Variants in DCUN1D4 observed in about 807,000 individuals in gnomAD.
The protein encoded by DCUN1D4 is DCN1-like protein 4.
In DCUN1D4, 22 loss-of-function variants were observed where a neutral mutation model predicts 47.9. The observed-to-expected ratio is 0.46, with a 90% confidence interval of 0.33 to 0.66. The LOEUF (loss-of-function observed/expected upper bound fraction) is 0.66, where lower values mean the gene tolerates loss of function less well. Ranked by LOEUF, DCUN1D4 falls within the 30% of genes least tolerant of loss-of-function variation. The probability of loss-of-function intolerance (pLI) is 0.02; values close to 1 mark genes in which losing one functional copy is unlikely to be tolerated. For synonymous variants in DCUN1D4, 121 were observed against 112.2 expected (o/e 1.08, Z -0.50); for missense variants, 301 against 340.8 (o/e 0.88, Z 0.92).
At chr4:51,875,609 A>G (rs1177095863) in intron 4 of DCUN1D4, among the ~76,000 whole-genome samples, 2 of 152,212 alleles carry the variant, frequency 1.3e-5, no homozygotes, top group Non-Finnish European at 2.9e-5. Flanking sequence ...AACCAGTTAT[A>G]GAACATTTCT....
In DCUN1D4 at chr4:51,843,177, C is replaced by A; in HGVS notation, c.-66C>A. 2.6e-6 allele frequency: 4 copies of A among 1,532,668 alleles called. No individual in the cohort carries two copies. Among genetic ancestry groups the A allele is most frequent in the Non-Finnish European group, 3.5e-6 (4 of 1,140,422 alleles). 94.9% of individuals were successfully genotyped at this position (1,532,668 alleles called of 1,614,324 possible). A position where few individuals can be genotyped will look rare whatever the true frequency, so the allele number is the denominator to read the frequency against. On this transcript the variant is annotated 5_prime_UTR_variant, in exon 1 of 11. It adds an upstream start codon to the 5' untranslated region. Transcript: ENST00000334635. ...CAGCTTCGAGCCGAGGTGCAGTGAG[C>A]TGGTGGGGGGACCGCGAGGCGAGCG...
At chr4:51,872,568 T>G (rs146097504) in intron 3 of DCUN1D4, among the ~76,000 whole-genome samples, 42 of 152,332 alleles carry the variant, frequency 2.8e-4, no homozygotes, top group African/African-American at 1.0e-3. Context: ...CTCCTTTGGC[T>G]TCCAGGACAT....
chr4:51,879,706 T>A (rs781601046), intron 5 of DCUN1D4, among the ~76,000 whole-genome samples: 1 of 152,236 alleles, frequency 6.6e-6, no homozygotes, highest in African/African-American at 2.4e-5. Flanking sequence ...ATTATGAAGA[T>A]CTCTTGCTTT....
chr4:51,916,153 CT>C lies in DCUN1D4; in HGVS notation c.*2570del, dbSNP rs200956410. 3.3e-3 allele frequency: 502 copies of C among 152,214 alleles called. 5 individuals are homozygous for C. Among genetic ancestry groups the C allele is most frequent in the African/African-American group, 0.012 (484 of 41,560 alleles). 9.4% of individuals were successfully genotyped at this position (152,214 alleles called of 1,614,324 possible). A position where few individuals can be genotyped will look rare whatever the true frequency, so the allele number is the denominator to read the frequency against. ...TTAGTACCTAAGTCTACAACCCTTT[CT>C]CTTTTTCTATTGTGTTTCGAACTCC... On this transcript the variant is annotated 3_prime_UTR_variant, in exon 11 of 11. Transcript: ENST00000334635.
chr4:51,866,573 T>C (rs1725961469), intron 3 of DCUN1D4, among the ~76,000 whole-genome samples: 1 of 152,208 alleles, frequency 6.6e-6, no homozygotes, highest in East Asian at 1.9e-4. Flanking sequence ...TCCTTCAGCC[T>C]CCTGTTGATT....
Position 51,857,215 on chromosome 4 carries a change from A to G in DCUN1D4, c.26-6222A>G, listed in dbSNP as rs902381439. On this transcript the variant is annotated intron_variant, in intron 1 of 10. Coordinates refer to ENST00000334635, the MANE Select transcript of DCUN1D4 (RefSeq NM_001040402.3). ...TCTTCCTTTTTTATTTTTTTTGACC[A>G]AATGAGAAGAGTTGAATTTGTGTAA... is the stretch of plus-strand genomic sequence containing the variant. Among the ~76,000 whole-genome samples the G allele has an allele frequency of 1.5e-4, 23 of 152,258 alleles. 1 individual carries two copies. Among genetic ancestry groups the G allele is most frequent in the East Asian group, 9.7e-4 (5 of 5,164 alleles).
At chr4:51,884,193 G>A (rs1039635509) in intron 5 of DCUN1D4, 6 of 152,034 alleles carry the variant, frequency 3.9e-5, no homozygotes, top group Non-Finnish European at 8.8e-5. Flanking sequence ...TATGAGGAAG[G>A]GCCTGAGTTT....
chr4:51,877,686 A>G, intron 4 of DCUN1D4, 77 bp from the exon 5 acceptor site: 1 of 887,274 alleles, frequency 1.1e-6, no homozygotes, highest in East Asian at 2.5e-5. Context: ...TGGTTTGGGT[A>G]AAAGAATATA....
chr4:51,888,318 A>G (rs1729845586), intron 6 of DCUN1D4, among the ~76,000 whole-genome samples: 1 of 152,178 alleles, frequency 6.6e-6, no homozygotes, highest in Non-Finnish European at 1.5e-5. Flanking sequence ...AGGATGGGAG[A>G]GCACTGACGT....
Position 51,870,717 on chromosome 4 carries a change from G to A in DCUN1D4, c.137-3554G>A, listed in dbSNP as rs561468314. On this transcript the variant is annotated intron_variant, in intron 3 of 10. Transcript: ENST00000334635. Reference sequence around the variant, plus strand: ...TTGCACGTGCACTTGAGAAATCCTAGTTGTTGCTCTTGCTTAGTTGGGATC... The same window carrying A: ...TTGCACGTGCACTTGAGAAATCCTAATTGTTGCTCTTGCTTAGTTGGGATC... 2.0e-5 allele frequency among the ~76,000 whole-genome samples: 3 copies of A among 152,346 alleles called. No homozygotes were observed. In the South Asian group the frequency reaches 6.2e-4, roughly 32 times the overall value.
At chr4:51,902,120 A>G (rs1328212354) in intron 8 of DCUN1D4, among the ~76,000 whole-genome samples, 5 of 152,066 alleles carry the variant, frequency 3.3e-5, no homozygotes, top group Admixed American at 1.3e-4. Flanking sequence ...TCTATTATTG[A>G]TAGTTTAATT....
chr4:51,891,939 G>T (rs1261354711), intron 7 of DCUN1D4, 88 bp downstream of exon 7: 1 of 1,007,014 alleles, frequency 9.9e-7, no homozygotes, highest in African/African-American at 1.6e-5. Flanking sequence ...GTGATTGAGT[G>T]AGTGGAAGGA....
chr4:51,845,670 A>G (rs928348431), intron 1 of DCUN1D4, among the ~76,000 whole-genome samples: 2 of 152,212 alleles, frequency 1.3e-5, no homozygotes, highest in Non-Finnish European at 2.9e-5. Context: ...TGTATGTAAT[A>G]TATAAGGTAT....
At position 51,915,696 on chromosome 4, in the gene DCUN1D4, A is replaced by G. The variant is rs946047008; in HGVS notation, c.*2112A>G. The G allele has an allele frequency of 6.6e-6, 1 of 152,604 alleles. No homozygotes were observed. The highest frequency in any genetic ancestry group is 1.5e-5 in the Non-Finnish European group (1 of 68,006). The allele number at this position is 152,604 out of a possible 1,614,324, so 9.5% of individuals were successfully genotyped here. A position where few individuals can be genotyped will look rare whatever the true frequency, so the allele number is the denominator to read the frequency against. Reference sequence around the variant, plus strand: ...GTTATTTTAAACACTATGTTAGAATATAGAGATTTTTAAAAAATGCTGATA... The same window carrying G: ...GTTATTTTAAACACTATGTTAGAATGTAGAGATTTTTAAAAAATGCTGATA... On this transcript the variant is annotated 3_prime_UTR_variant, in exon 11 of 11. Transcript: ENST00000334635.
At chr4:51,880,944 C>T (rs771142433) in intron 5 of DCUN1D4, among the ~76,000 whole-genome samples, 21 of 151,976 alleles carry the variant, frequency 1.4e-4, no homozygotes, top group Non-Finnish European at 2.8e-4. Flanking sequence ...CTGGCTAACA[C>T]GGTGAAATCC....
chr4:51,844,762 G>A, intron 1 of DCUN1D4: 1 of 909,622 alleles, frequency 1.1e-6, no homozygotes, highest in Non-Finnish European at 1.3e-6. Flanking sequence ...GGGGAAAGGC[G>A]GTCCCGCCGA....
At chr4:51,862,541 G>C (rs979166477) in intron 1 of DCUN1D4, among the ~76,000 whole-genome samples, 4 of 152,204 alleles carry the variant, frequency 2.6e-5, no homozygotes, top group South Asian at 2.1e-4. Context: ...GTATAACTTG[G>C]AGAGTTACAA....
chr4:51,877,709 C>T lies in DCUN1D4; in HGVS notation c.252-54C>T, dbSNP rs1307407332. The stretch of plus-strand genomic sequence containing the variant: ...GTAAAAGAATATAAATTATCTGCTA[C>T]TTTAAAGAACTCAGTATCTTTAAAT... On this transcript the variant is annotated intron_variant, in intron 4 of 10. Coordinates refer to ENST00000334635, the MANE Select transcript of DCUN1D4 (RefSeq NM_001040402.3). 3 of 1,097,058 alleles carry T rather than the reference C, an allele frequency of 2.7e-6. No homozygotes were observed. The African/African-American group carries it at 4.7e-5, about 17-fold the overall frequency. 68.0% of individuals were successfully genotyped at this position (1,097,058 alleles called of 1,614,324 possible).
chr4:51,855,682 C>T (rs771284127), intron 1 of DCUN1D4, among the ~76,000 whole-genome samples: 6 of 152,182 alleles, frequency 3.9e-5, no homozygotes, highest in Non-Finnish European at 5.9e-5. Context: ...TAGGTCAGAT[C>T]ACGTAGAGCC....
Sources: gnomAD v4.1 joint callset for allele counts (sites outside exome capture counted in the v4.1 genomes callset) on GRCh38, gnomAD v4.1.1 for gene constraint, MANE v1.5 for transcripts, NCBI Gene and HGNC (gene_info 2026-07-23, HGNC 2026-07-21) for gene names.